Variants in TPD52L2 observed in about 807,000 individuals in gnomAD.
TPD52L2 encodes tumor protein D54.
In TPD52L2, 19 loss-of-function variants were observed where a neutral mutation model predicts 24.7. The ratio of observed to expected loss-of-function variants is 0.77; its 90% CI spans 0.54 to 1.13. The LOEUF is 1.13. Ranked by LOEUF, TPD52L2 falls within the 50% of genes most tolerant of loss-of-function variation. TPD52L2 has a pLI of 0.00. For synonymous variants in TPD52L2, 104 were observed against 100.2 expected, an observed-to-expected ratio of 1.04 and a Z score of -0.23; for missense variants, 236 against 250.4, an observed-to-expected ratio of 0.94 and a Z score of 0.39.
At chr20:63,872,166 C>T (rs1196000076) in intron 2 of TPD52L2, among the ~76,000 whole-genome samples, 1 of 150,988 alleles carries the variant, frequency 6.6e-6, no homozygotes, top group Non-Finnish European at 1.5e-5. Context: ...GTTCGTGTAA[C>T]TGACTCTTGC....
chr20:63,869,008 G>A (rs947119570), intron 1 of TPD52L2, among the ~76,000 whole-genome samples: 2 of 152,188 alleles, frequency 1.3e-5, no homozygotes, highest in African/African-American at 4.8e-5. Flanking sequence ...TGCCTCTGAC[G>A]ATAGTATTCT....
rs1555873183 is a variant in TPD52L2 at position 63,875,152 on chromosome 20, A to AAATATATAT, written c.315-663_315-662insATATATATA. Among the ~76,000 whole-genome samples the AAATATATAT allele has an allele frequency of 6.3e-5, 9 of 141,746 alleles. No homozygotes were observed. In the South Asian group the frequency reaches 2.0e-3, roughly 32 times the overall value. The allele number at this position is 141,746 out of a possible 152,430, so 93.0% of individuals were successfully genotyped here. The stretch of plus-strand genomic sequence containing the variant: ...GCAAGACTCTGTCTCAAAAAAAAAA[A>AAATATATAT]ATATATATATATATATATTTATATA... On this transcript the variant is annotated intron_variant, in intron 3 of 6. Transcript: ENST00000346249.
At chr20:63,876,646 G>A (rs1196048850) in intron 4 of TPD52L2, 1 of 405,372 alleles carries the variant, frequency 2.5e-6, no homozygotes, top group Non-Finnish European at 5.0e-6. Context: ...CAGAACATGG[G>A]CAGAAAGTCC....
At chr20:63,867,003 CA>C (rs1374618198) in intron 1 of TPD52L2, among the ~76,000 whole-genome samples, 1 of 150,602 alleles carries the variant, frequency 6.6e-6, no homozygotes, top group Admixed American at 6.6e-5. Context: ...GCCCACGCTG[CA>C]GTACAATGGC....
chr20:63,878,047 A>G (rs1362854262), intron 4 of TPD52L2, among the ~76,000 whole-genome samples: 3 of 152,262 alleles, frequency 2.0e-5, no homozygotes, highest in African/African-American at 7.2e-5. Context: ...GGATGTGGCC[A>G]TGGCGCGTGC....
intron 3 of TPD52L2, 33 bp from the exon 4 acceptor site, chr20:63,875,783 C>T (rs372571730): frequency 6.2e-7 from 1 of 1,609,896 alleles, no homozygotes; most frequent in Non-Finnish European, 8.5e-7. Flanking sequence ...AATTGTTCTT[C>T]TAAATAATTC....
At chr20:63,866,167 C>T (rs536689026) in intron 1 of TPD52L2, among the ~76,000 whole-genome samples, 4 of 151,470 alleles carry the variant, frequency 2.6e-5, no homozygotes, top group South Asian at 4.2e-4. Context: ...TGCAGTGGCG[C>T]GATCTCAGCT....
chr20:63,883,516 T>G (rs1234344259), intron 5 of TPD52L2, among the ~76,000 whole-genome samples: 2 of 152,172 alleles, frequency 1.3e-5, no homozygotes, highest in Non-Finnish European at 2.9e-5. Context: ...CAGGCACGCC[T>G]TCTTTCACAG....
intron 4 of TPD52L2, among the ~76,000 whole-genome samples, chr20:63,882,225 T>A (rs777890924): frequency 1.3e-5 from 2 of 152,218 alleles, no homozygotes; most frequent in Non-Finnish European, 2.9e-5. Context: ...CAGTCTCATT[T>A]GGGAAGAGGA....
At chr20:63,886,240 C>T (rs985086266) in intron 5 of TPD52L2, among the ~76,000 whole-genome samples, 6 of 152,176 alleles carry the variant, frequency 3.9e-5, no homozygotes, top group South Asian at 2.1e-4. Flanking sequence ...GCAGAGGCCC[C>T]CCGGAACCCC....
At chr20:63,889,777 A>C (rs2053264739) in intron 6 of TPD52L2, 73 bp from the exon 7 acceptor site, 1 of 1,429,400 alleles carries the variant, frequency 7.0e-7, no homozygotes, top group South Asian at 1.2e-5. Context: ...AGCATTGAGC[A>C]TGGGCCTGGG....
Position 63,885,912 on chromosome 20 carries a change from G to A in TPD52L2, c.476+3092G>A, listed in dbSNP as rs878882440. 73 of 1,239,530 alleles carry A rather than the reference G, an allele frequency of 5.9e-5. 1 individual carries two copies. The South Asian group carries it at 7.0e-4, about 12-fold the overall frequency. The allele number at this position is 1,239,530 out of a possible 1,614,324, so 76.8% of individuals were successfully genotyped here. A position where few individuals can be genotyped will look rare whatever the true frequency, so the allele number is the denominator to read the frequency against. On this transcript the variant is annotated intron_variant, in intron 5 of 6. Coordinates refer to ENST00000346249, the MANE Select transcript of TPD52L2 (RefSeq NM_003288.4). ...TCCCCTGCTGGGCCTGACTGAGCAC[G>A]AGCAGGGGGCCTCCCCTGGGGCTCC...
intron 1 of TPD52L2, among the ~76,000 whole-genome samples, chr20:63,866,244 A>G (rs1334608585): frequency 2.0e-5 from 3 of 151,248 alleles, no homozygotes; most frequent in African/African-American, 7.3e-5. Flanking sequence ...AGCTGGGACT[A>G]CAGGCACGCG....
At chr20:63,885,980 C>T in intron 5 of TPD52L2, 1 of 1,613,706 alleles carries the variant, frequency 6.2e-7, no homozygotes, top group Non-Finnish European at 8.5e-7. Context: ...CTTGCTTACA[C>T]TTCGTTTCCT....
Position 63,877,869 on chromosome 20 carries a change from C to T in TPD52L2, c.374+1994C>T, listed in dbSNP as rs931831614. Reference sequence around the variant, plus strand: ...GCGTTTCTGCCGGGAAGGCCCAGGCCGAGGGCGATGGTTTCTGCCGGGACG... The same window carrying T: ...GCGTTTCTGCCGGGAAGGCCCAGGCTGAGGGCGATGGTTTCTGCCGGGACG... On this transcript the variant is annotated intron_variant, in intron 4 of 6. Coordinates refer to ENST00000346249, the MANE Select transcript of TPD52L2 (RefSeq NM_003288.4). This position sits in a 1 kb window ranked among gnomAD's most constrained non-coding sequence, Gnocchi z 4.1. 3.3e-5 allele frequency among the ~76,000 whole-genome samples: 5 copies of T among 151,932 alleles called. No homozygotes were observed. The highest frequency in any genetic ancestry group is 5.9e-5 in the Non-Finnish European group (4 of 68,010).
In TPD52L2 at chr20:63,887,179, C is replaced by G. The variant is rs995546919; in HGVS notation, c.477-2011C>G. On this transcript the variant is annotated intron_variant, in intron 5 of 6. Coordinates refer to ENST00000346249, the MANE Select transcript of TPD52L2 (RefSeq NM_003288.4). ...TGGAACCGGGAGGTCTAGAGCCAGGCCCAGAACAATCTGTGATTTCTTGTG... is the reference window on the plus strand; with the variant it reads ...TGGAACCGGGAGGTCTAGAGCCAGGGCCAGAACAATCTGTGATTTCTTGTG... 61 of 355,276 alleles carry G rather than the reference C, an allele frequency of 1.7e-4. 1 individual carries two copies. The highest frequency in any genetic ancestry group is 4.4e-4 in the South Asian group (19 of 43,366). The allele number at this position is 355,276 out of a possible 1,614,324, so 22.0% of individuals were successfully genotyped here.
chr20:63,889,159 G>C, intron 5 of TPD52L2, 31 bp from the exon 6 acceptor site: 1 of 1,609,226 alleles, frequency 6.2e-7, no homozygotes, highest in Non-Finnish European at 8.5e-7. Flanking sequence ...CTCTCCTCTT[G>C]ACACCGACAC....
At chr20:63,887,074 G>T in intron 5 of TPD52L2, 1 of 216,394 alleles carries the variant, frequency 4.6e-6, no homozygotes, top group Non-Finnish European at 9.3e-6. Context: ...CCATAGGTGT[G>T]CCTCCCAAAG....
rs1255265114 is a variant in TPD52L2 at position 63,889,955 on chromosome 20, T to TG, written c.*11dup. On this transcript the variant is annotated 3_prime_UTR_variant, in exon 7 of 7. Coordinates refer to ENST00000346249, the MANE Select transcript of TPD52L2 (RefSeq NM_003288.4). ...TCCCGCACCTTTCTAAGCCTGTGGTTGCTTCACCCGCTGCAGAGCACACGC... is the reference window on the plus strand; with the variant it reads ...TCCCGCACCTTTCTAAGCCTGTGGTTGGCTTCACCCGCTGCAGAGCACACGC... 6.2e-7 allele frequency: 1 copy of TG among 1,613,978 alleles called. No individual in the cohort carries two copies. The highest frequency in any genetic ancestry group is 8.5e-7 in the Non-Finnish European group (1 of 1,180,034).
Sources: allele counts gnomAD v4.1 joint callset (sites outside exome capture counted in the v4.1 genomes callset), GRCh38; gene constraint gnomAD v4.1.1; non-coding constraint Gnocchi (gnomAD v3.1); transcripts MANE v1.5; gene names NCBI Gene and HGNC (gene_info 2026-07-23, HGNC 2026-07-21).